Variants in TMEM117 observed in about 807,000 individuals in gnomAD.
TMEM117 encodes the protein transmembrane protein 117.
Under a neutral mutation model 52.4 loss-of-function variants are expected in TMEM117, and 27 were observed. The ratio of observed to expected loss-of-function variants is 0.51; its 90% CI spans 0.38 to 0.71. TMEM117 has a LOEUF of 0.71. Among genes scored for constraint, TMEM117 ranks in the 30% least tolerant of loss-of-function variants. TMEM117 has a pLI of 0.00. For synonymous variants in TMEM117, 215 were observed against 206.3 expected (o/e 1.04, Z -0.36); for missense variants, 556 against 630.5 (o/e 0.88, Z 1.26).
chr12:44,221,252 C>T (rs1042365836), intron 5 of TMEM117, among the ~76,000 whole-genome samples: 3 of 151,984 alleles, frequency 2.0e-5, no homozygotes, highest in Admixed American at 2.0e-4. Flanking sequence ...ATACTGTATC[C>T]TAGTTAGAAT....
intron 4 of TMEM117, among the ~76,000 whole-genome samples, chr12:44,187,269 T>G (rs1162041691): frequency 6.6e-6 from 1 of 152,158 alleles, no homozygotes; most frequent in Non-Finnish European, 1.5e-5. Context: ...ATCATGATCT[T>G]TAATATTTTC....
intron 5 of TMEM117, chr12:44,244,524 C>T (rs1025780277): frequency 3.3e-5 from 5 of 151,798 alleles, no homozygotes; most frequent in African/African-American, 1.2e-4. Context: ...CTGTTCAGGT[C>T]CTTTGCCCAT....
intron 2 of TMEM117, among the ~76,000 whole-genome samples, chr12:43,931,140 G>A (rs1323098697): frequency 6.6e-6 from 1 of 152,246 alleles, no homozygotes; most frequent in Non-Finnish European, 1.5e-5. Context: ...ACTAAGAATA[G>A]TTTGTGTCCC....
intron 3 of TMEM117, among the ~76,000 whole-genome samples, chr12:43,987,634 AT>A (rs1359543477): frequency 6.6e-6 from 1 of 151,486 alleles, no homozygotes; most frequent in Non-Finnish European, 1.5e-5. Context: ...ATTGAGTATT[AT>A]TTTAATTTGT....
At chr12:43,864,768 A>C (rs1176710472) in intron 2 of TMEM117, among the ~76,000 whole-genome samples, 3 of 152,212 alleles carry the variant, frequency 2.0e-5, no homozygotes, top group Non-Finnish European at 4.4e-5. Flanking sequence ...AGATAAGAGA[A>C]TAAAAGCAGG....
chr12:44,378,304 T>G (rs1297153158), intron 7 of TMEM117, among the ~76,000 whole-genome samples: 4 of 152,172 alleles, frequency 2.6e-5, no homozygotes, highest in Non-Finnish European at 4.4e-5. Flanking sequence ...AATATTTAAT[T>G]TAGGATTATT....
chr12:43,898,028 GCACA>G (rs10604495), intron 2 of TMEM117, among the ~76,000 whole-genome samples: 100,346 of 143,150 alleles, frequency 0.7, 36,688 homozygotes, highest in East Asian at 0.85. Flanking sequence ...ATGCACATGC[GCACA>G]CACACACACA....
chr12:43,805,864 C>T, the TMEM117 span: 1 of 1,427,822 alleles, frequency 7.0e-7, no homozygotes. Context: ...GCCCCAGTCG[C>T]CTCCACTGTC....
chr12:44,176,834 C>G (rs78068362), intron 4 of TMEM117, among the ~76,000 whole-genome samples: 2,270 of 152,108 alleles, frequency 0.015, 39 homozygotes, highest in African/African-American at 0.052. Flanking sequence ...AAAGAATGCT[C>G]TCTCTATATA....
chr12:44,213,125 A>C (rs988990672), intron 5 of TMEM117, among the ~76,000 whole-genome samples: 2 of 152,132 alleles, frequency 1.3e-5, no homozygotes, highest in Non-Finnish European at 2.9e-5. Flanking sequence ...GATTATAAGA[A>C]ATATTTATTG....
chr12:44,182,672 T>C (rs1012864773), intron 4 of TMEM117, among the ~76,000 whole-genome samples: 1 of 152,174 alleles, frequency 6.6e-6, no homozygotes, highest in Non-Finnish European at 1.5e-5. Flanking sequence ...AGAATTGTTA[T>C]GAAAGCTCAG....
At chr12:44,182,623 T>C (rs1281662273) in intron 4 of TMEM117, among the ~76,000 whole-genome samples, 2 of 152,224 alleles carry the variant, frequency 1.3e-5, no homozygotes, top group South Asian at 4.1e-4. Flanking sequence ...TGACATCTTA[T>C]CATGTCTCTC....
chr12:43,844,122 G>A (rs1237278876), intron 1 of TMEM117, among the ~76,000 whole-genome samples: 1 of 152,200 alleles, frequency 6.6e-6, no homozygotes, highest in Admixed American at 6.5e-5. Flanking sequence ...GATCATTTGA[G>A]CCCAGAAGCT....
chr12:44,027,870 A>G (rs1359051453), intron 3 of TMEM117, among the ~76,000 whole-genome samples: 1 of 152,156 alleles, frequency 6.6e-6, no homozygotes, highest in Non-Finnish European at 1.5e-5. Context: ...CACACTCTTA[A>G]GTTTTCTGTA....
chr12:44,100,169 A>G (rs1269161073), intron 3 of TMEM117, among the ~76,000 whole-genome samples: 1 of 152,054 alleles, frequency 6.6e-6, no homozygotes, highest in Non-Finnish European at 1.5e-5. Context: ...ACTGAAAATA[A>G]TGCTGAAGCT....
At chr12:44,095,428 A>G (rs563376800) in intron 3 of TMEM117, among the ~76,000 whole-genome samples, 1 of 152,226 alleles carries the variant, frequency 6.6e-6, no homozygotes, top group Admixed American at 6.6e-5. Context: ...TTTGAATAGA[A>G]ATCTAAATTT....
chr12:44,011,662 A>G (rs1228205466), intron 3 of TMEM117, among the ~76,000 whole-genome samples: 1 of 151,942 alleles, frequency 6.6e-6, no homozygotes, highest in Non-Finnish European at 1.5e-5. Context: ...TCCTTACTAT[A>G]CATACATACA....
chr12:44,364,727 C>T lies in TMEM117; in HGVS notation c.769-11868C>T, dbSNP rs185246249. Among the ~76,000 whole-genome samples, 424 of 152,146 alleles carry T rather than the reference C, an allele frequency of 2.8e-3. 2 individuals carry two copies. Among genetic ancestry groups the T allele is most frequent in the African/African-American group, 9.1e-3 (377 of 41,534 alleles). ...TAAGATAAAATAGTTTGTTAGGTTT[C>T]TATGCCAAAAAATGTTATTGTTACC... On this transcript the variant is annotated intron_variant, in intron 6 of 7. Coordinates refer to ENST00000266534, the MANE Select transcript of TMEM117 (RefSeq NM_032256.3).
the TMEM117 span, among the ~76,000 whole-genome samples, chr12:44,399,043 T>C: frequency 7.2e-5 from 11 of 152,212 alleles, no homozygotes; most frequent in Admixed American, 5.9e-4. Flanking sequence ...CATAGCATCA[T>C]TTTGTACTCT....
Sources: allele counts gnomAD v4.1 joint callset (sites outside exome capture counted in the v4.1 genomes callset), GRCh38; gene constraint gnomAD v4.1.1; transcripts MANE v1.5; gene names NCBI Gene and HGNC (gene_info 2026-07-23, HGNC 2026-07-21).